Variants in PLEC observed in about 807,000 individuals in gnomAD.
PLEC encodes hemidesmosomal protein 1.
A neutral mutation model predicts 392.8 loss-of-function variants in PLEC; 216 were observed. The observed-to-expected ratio is 0.55, with a 90% CI of 0.49 to 0.62. The LOEUF (loss-of-function observed/expected upper bound fraction) is 0.62, where lower values mean the gene tolerates loss of function less well. PLEC is among the 20% of genes least tolerant of loss of function. The pLI, the probability that PLEC is intolerant of heterozygous loss-of-function variation, is 0.00. For synonymous variants in PLEC, 3,621 were observed against 2,980.6 expected (o/e 1.21, Z -7.00); for missense variants, 6,863 against 6,563.4 (o/e 1.05, Z -1.58).
Position 143,934,364 on chromosome 8 carries a change from C to G in PLEC, c.1123G>C (p.Val375Leu). Residue 375 changes from valine to leucine, a missense_variant, in exon 11 of 32, where the codon GTG (valine) becomes CTG (leucine). Val to Leu is a conservative substitution (Grantham distance 32, BLOSUM62 1). Transcript: ENST00000345136. ...DVEKEWGKLH[V>L]AILEREKQLR... is the part of the protein sequence containing the mutation. ...TGCTTCTCCCGCTCCAGGATGGCCA[C>G]GTGCAGCTTGCCCCACTCCTTCTCC... 6.2e-7 allele frequency: 1 copy of G among 1,612,626 alleles called. No homozygotes were observed. Among genetic ancestry groups the G allele is most frequent in the Non-Finnish European group, 8.5e-7 (1 of 1,179,956 alleles).
At chr8:143,951,116 G>A (rs1202432435), upstream of PLEC, among the ~76,000 whole-genome samples, 4 of 152,160 alleles carry the variant, frequency 2.6e-5, no homozygotes, top group African/African-American at 9.7e-5. Context: ...AATGACATCA[G>A]TTTCTAAACA....
At position 143,937,701 on chromosome 8, in the gene PLEC, T is replaced by C. The variant is rs868907610; in HGVS notation, c.264+450A>G. The C allele has an allele frequency of 4.1e-6, 2 of 488,398 alleles. 1 individual carries two copies. Among genetic ancestry groups the C allele is most frequent in the Middle Eastern group, 6.5e-4 (2 of 3,060 alleles). 30.3% of individuals were successfully genotyped at this position (488,398 alleles called of 1,614,324 possible). The stretch of plus-strand genomic sequence containing the variant: ...GCCCCCAGAAAGCCGGGCTCCACGG[T>C]CTTGGGGAGCTCCCGTGCCGCTGCA... On this transcript the variant is annotated intron_variant, in intron 3 of 31. Transcript: ENST00000345136.
chr8:143,941,559 G>A (rs1044655309), upstream of PLEC, among the ~76,000 whole-genome samples: 6 of 152,102 alleles, frequency 3.9e-5, no homozygotes, highest in Non-Finnish European at 2.9e-5. Flanking sequence ...CTGGGGGCTC[G>A]GTCAGGGGCC....
rs369374252 is a variant in PLEC, at chr8:143,923,228, C to T, written c.6701G>A (p.Arg2234His). The change falls in exon 31 of 32, where the codon CGC becomes CAC. Residue 2234 changes from arginine to histidine, a missense_variant. Physicochemically the swap from Arg to His is conservative, Grantham distance 29 (BLOSUM62 0). Coordinates refer to ENST00000345136, the MANE Select transcript of PLEC (RefSeq NM_201384.3). ...CTTGCTCAGCTCCTCCATCTGCACG[C>T]GCACCGAGAAGAGCTCCTCCTCCAC... ...SQVEEELFSV[R>H]VQMEELSKLK... 3.2e-5 allele frequency: 51 copies of T among 1,603,466 alleles called. No individual in the cohort carries two copies. Among genetic ancestry groups the T allele is most frequent in the Middle Eastern group, 1.6e-4 (1 of 6,084 alleles).
chr8:143,930,927 C>T (rs1273308303), intron 19 of PLEC, among the ~76,000 whole-genome samples: 11 of 152,158 alleles, frequency 7.2e-5, no homozygotes, highest in South Asian at 2.1e-4. Flanking sequence ...GCTCTCCCCC[C>T]GGCCCAGCCC....
intron 10 of PLEC, 54 bp from the exon 11 acceptor site, chr8:143,934,499 G>C (rs1461244903): frequency 6.2e-7 from 1 of 1,606,090 alleles, no homozygotes; most frequent in Non-Finnish European, 8.5e-7. Context: ...GGGGTGGGGC[G>C]CTGGGCCTTC....
chr8:143,973,445 CCTG>C lies in PLEC; in HGVS notation c.25_27del (p.Gln9del). On this transcript the variant is annotated inframe_deletion, in exon 1 of 32. Transcript: ENST00000356346. This position sits in a 1 kb window ranked among gnomAD's most constrained non-coding sequence, Gnocchi z 5.6. ...ACCTCCTCGTAGGCCTGGATGAAGTCCTGCTCGTCGGGCAGCGGGCCGGCCATG... is the reference window on the plus strand; with the variant it reads ...ACCTCCTCGTAGGCCTGGATGAAGTCCTCGTCGGGCAGCGGGCCGGCCATG... 1 of 1,524,350 alleles carries C rather than the reference CCTG, an allele frequency of 6.6e-7. No individual in the cohort carries two copies. The highest frequency in any genetic ancestry group is 8.8e-7 in the Non-Finnish European group (1 of 1,135,762). The allele number at this position is 1,524,350 out of a possible 1,614,324, so 94.4% of individuals were successfully genotyped here.
upstream of PLEC, among the ~76,000 whole-genome samples, chr8:143,951,170 G>C (rs1174899048): frequency 6.6e-6 from 1 of 151,984 alleles, no homozygotes; most frequent in Non-Finnish European, 1.5e-5. Flanking sequence ...AAGTGGGGGC[G>C]GATATAGACC....
In PLEC at chr8:143,920,579, G is replaced by A. The variant is rs782121895; in HGVS notation, c.9242C>T (p.Ala3081Val). 8 of 1,610,848 alleles carry A rather than the reference G, an allele frequency of 5.0e-6. No homozygotes were observed. The highest frequency in any genetic ancestry group is 3.3e-5 in the South Asian group (3 of 91,074). Residue 3081 changes from alanine (A) to valine (V), a missense_variant, in exon 32 of 32, where the codon GCA (alanine) becomes GTA (valine). Physicochemically the swap from Ala to Val is moderately conservative, Grantham distance 64 (BLOSUM62 0). Transcript: ENST00000345136. ...GGGGCCCACCAGGCCAGCACGCACTGCCTCGTCCACGGTCAGCCGGGCGCT... is the reference window on the plus strand; with the variant it reads ...GGGGCCCACCAGGCCAGCACGCACTACCTCGTCCACGGTCAGCCGGGCGCT... ...ATSARLTVDE[A>V]VRAGLVGPEF...
chr8:143,930,875 C>CG lies in PLEC; in HGVS notation c.2305-340dup, dbSNP rs1322617201. ...TGCCTCCTCCCATCCCACCCCTCTGCGGGGGCCAGGCCGCAGGACGGCACA... is the reference window on the plus strand; with the variant it reads ...TGCCTCCTCCCATCCCACCCCTCTGCGGGGGGCCAGGCCGCAGGACGGCACA... On this transcript the variant is annotated intron_variant, in intron 19 of 31. Transcript: ENST00000345136. Among the ~76,000 whole-genome samples, 3 of 152,312 alleles carry CG rather than the reference C, an allele frequency of 2.0e-5. 1 individual carries two copies. Among genetic ancestry groups the CG allele is most frequent in the Admixed American group, 2.0e-4 (3 of 15,308 alleles).
chr8:143,955,583 T>A (rs1207238440), upstream of PLEC, among the ~76,000 whole-genome samples: 1 of 152,062 alleles, frequency 6.6e-6, no homozygotes, highest in African/African-American at 2.4e-5. Context: ...CATACATTTT[T>A]AAAAAATGCT....
In PLEC at chr8:143,916,657, C is replaced by T. The variant is rs782243355; in HGVS notation, c.13164G>A (p.Leu4388=). 54 of 1,611,148 alleles carry T rather than the reference C, an allele frequency of 3.4e-5. 1 individual carries two copies. ...WLYYEAGQRF[L]EVQYLTGGLI... The stretch of plus-strand genomic sequence containing the variant: ...AGCCGCCGGTCAGGTACTGCACCTC[C>T]AGGAAGCGCTGGCCGGCCTCGTAGT... Residue 4388 remains leucine, a synonymous_variant, in exon 32 of 32, where the codon CTG becomes CTA. Transcript: ENST00000345136.
chr8:143,938,416 C>T (rs1829649730), intron 2 of PLEC, 176 bp from the exon 3 acceptor site: 1 of 1,537,012 alleles, frequency 6.5e-7, no homozygotes, highest in South Asian at 1.2e-5. Flanking sequence ...CCCGCCAGTG[C>T]TGCAAGGAGA....
rs781876705 is a variant in PLEC, at chr8:143,920,629, G to A, written c.9192C>T (p.Thr3064=). ...AVALLEAQAG[T]GHIIDPATSA... is the part of the protein sequence containing the mutation. Reference sequence around the variant, plus strand: ...TGGTGGCGGGGTCGATGATGTGCCCGGTGCCGGCCTGGGCTTCCAACAGGG... The same window carrying A: ...TGGTGGCGGGGTCGATGATGTGCCCAGTGCCGGCCTGGGCTTCCAACAGGG... Residue 3064 remains threonine (T), a synonymous_variant, in exon 32 of 32, where the codon ACC becomes ACT. Transcript: ENST00000345136. 26 of 1,606,490 alleles carry A rather than the reference G, an allele frequency of 1.6e-5. No homozygotes were observed. Among genetic ancestry groups the A allele is most frequent in the East Asian group, 1.6e-4 (7 of 44,888 alleles).
upstream of PLEC, among the ~76,000 whole-genome samples, chr8:143,951,993 C>T (rs1228582603): frequency 6.6e-6 from 1 of 152,136 alleles, no homozygotes; most frequent in Non-Finnish European, 1.5e-5. Context: ...CGCCCCAAGC[C>T]GACACACCCC....
chr8:143,921,699 C>G lies in PLEC; in HGVS notation c.8122G>C (p.Glu2708Gln). ...AGGGCGGCGTAAACACTCAGCTTCTCATTGGTGGCCTTCAGCAACAGCCCT... is the reference window on the plus strand; with the variant it reads ...AGGGCGGCGTAAACACTCAGCTTCTGATTGGTGGCCTTCAGCAACAGCCCT... ...IAGLLLKATN[E>Q]KLSVYAALQR... Residue 2708 changes from glutamate to glutamine, a missense_variant, in exon 32 of 32, where the codon GAG (glutamate) becomes CAG (glutamine). By Grantham distance (29) the Glu-to-Gln change is conservative. Transcript: ENST00000345136. The G allele has an allele frequency of 6.2e-7, 1 of 1,613,088 alleles. No homozygotes were observed. Among genetic ancestry groups the G allele is most frequent in the Non-Finnish European group, 8.5e-7 (1 of 1,179,910 alleles).
rs372227396 is a variant in PLEC, at chr8:143,939,389, G to T, written c.73C>A (p.Leu25Met). ...GAGGCCCTGAGCACAGCCAGGTACA[G>T]GTTGTCCTCCGAGCTGGTTCTCTTT... ...GRKRTSSEDN[L>M]YLAVLRASEG... The change falls in exon 1 of 32, where the codon CTG becomes ATG. Residue 25 changes from leucine to methionine, a missense_variant. Transcript: ENST00000345136. The T allele has an allele frequency of 3.1e-6, 5 of 1,612,804 alleles. No homozygotes were observed. Among genetic ancestry groups the T allele is most frequent in the South Asian group, 2.2e-5 (2 of 91,022 alleles).
intron 6 of PLEC, 58 bp from the exon 7 acceptor site, chr8:143,935,371 C>T: frequency 1.7e-6 from 2 of 1,195,836 alleles, no homozygotes; most frequent in Non-Finnish European, 2.4e-6. Context: ...CCACACCACA[C>T]AGGCGGGTGC....
Position 143,917,417 on chromosome 8 carries a change from G to A in PLEC, c.12404C>T (p.Ser4135Phe). 1 of 1,612,990 alleles carries A rather than the reference G, an allele frequency of 6.2e-7. No homozygotes were observed. Among genetic ancestry groups the A allele is most frequent in the Non-Finnish European group, 8.5e-7 (1 of 1,179,998 alleles). ...GATGACCACTCGGCGCTTGCGCACGGAGGACTTGGAGGACGTCTTCCGCTC... is the reference window on the plus strand; with the variant it reads ...GATGACCACTCGGCGCTTGCGCACGAAGGACTTGGAGGACGTCTTCCGCTC... ...KRERKTSSKS[S>F]VRKRRVVIVD... is the part of the protein sequence containing the mutation. The change falls in exon 32 of 32, where the codon TCC becomes TTC. Residue 4135 changes from serine to phenylalanine, a missense_variant. Coordinates refer to ENST00000345136, the MANE Select transcript of PLEC (RefSeq NM_201384.3).
Sources: gnomAD v4.1 joint callset for allele counts (sites outside exome capture counted in the v4.1 genomes callset) on GRCh38, gnomAD v4.1.1 for gene constraint, Gnocchi (gnomAD v3.1) non-coding constraint, MANE v1.5 for transcripts, NCBI Gene and HGNC (gene_info 2026-07-23, HGNC 2026-07-21) for gene names.